Variants in ARHGAP28 observed in about 807,000 individuals in gnomAD.
The protein encoded by ARHGAP28 is Rho GTPase activating protein 28, also known as rho GTPase-activating protein 28.
A neutral mutation model predicts 90.7 loss-of-function variants in ARHGAP28; 56 were observed. The observed-to-expected ratio is 0.62, with a 90% CI of 0.50 to 0.77. The LOEUF (loss-of-function observed/expected upper bound fraction) is 0.77. Ranked by LOEUF, ARHGAP28 falls within the 30% of genes least tolerant of loss-of-function variation. The pLI is 0.00. For synonymous variants in ARHGAP28, 308 were observed against 323.3 expected (o/e 0.95, Z 0.51); for missense variants, 869 against 900.9 (o/e 0.96, Z 0.45).
intron 4 of ARHGAP28, among the ~76,000 whole-genome samples, chr18:6,854,040 A>T (rs1045289954): frequency 1.3e-5 from 2 of 151,980 alleles, no homozygotes; most frequent in African/African-American, 4.8e-5. Context: ...TGGGTTCACA[A>T]TGGCAACTAA....
At chr18:6,890,797 C>A (rs988227833) in intron 14 of ARHGAP28, among the ~76,000 whole-genome samples, 1 of 152,176 alleles carries the variant, frequency 6.6e-6, no homozygotes, top group Non-Finnish European at 1.5e-5. Flanking sequence ...GATATCCCAC[C>A]AGAAAGGCTA....
At chr18:6,825,552 CT>C (rs1360265662) in intron 2 of ARHGAP28, among the ~76,000 whole-genome samples, 1 of 151,882 alleles carries the variant, frequency 6.6e-6, no homozygotes, top group Non-Finnish European at 1.5e-5. Flanking sequence ...GTATATTGCC[CT>C]CAGGTAGTGA....
chr18:6,751,902 A>C (rs761969051), intron 1 of ARHGAP28, among the ~76,000 whole-genome samples: 29 of 152,198 alleles, frequency 1.9e-4, no homozygotes, highest in Non-Finnish European at 4.1e-4. Context: ...ACAAGAAGCC[A>C]ATTTTTCTAT....
At chr18:6,742,712 G>A (rs981147306) in intron 1 of ARHGAP28, among the ~76,000 whole-genome samples, 1 of 152,156 alleles carries the variant, frequency 6.6e-6, no homozygotes, top group African/African-American at 2.4e-5. Flanking sequence ...TTTGGGGGAT[G>A]GTTAAAACTG....
At chr18:6,801,469 T>C (rs2143627428) in intron 1 of ARHGAP28, among the ~76,000 whole-genome samples, 1 of 152,290 alleles carries the variant, frequency 6.6e-6, no homozygotes, top group Non-Finnish European at 1.5e-5. Flanking sequence ...TCACAGTAGT[T>C]TTGGCTATTT....
intron 1 of ARHGAP28, among the ~76,000 whole-genome samples, chr18:6,788,261 G>T (rs2056380480): frequency 2.0e-5 from 3 of 152,056 alleles, no homozygotes; most frequent in African/African-American, 7.2e-5. Flanking sequence ...TCCTGCTCCG[G>T]CCAGGTGACG....
At chr18:6,910,574 C>T (rs1415565544) in intron 17 of ARHGAP28, among the ~76,000 whole-genome samples, 1 of 152,200 alleles carries the variant, frequency 6.6e-6, no homozygotes, top group Non-Finnish European at 1.5e-5. Flanking sequence ...CAGGTCTTTG[C>T]GGATAAATCA....
At chr18:6,862,031 A>G (rs145070918) in intron 5 of ARHGAP28, among the ~76,000 whole-genome samples, 1 of 152,328 alleles carries the variant, frequency 6.6e-6, no homozygotes, top group African/African-American at 2.4e-5. Flanking sequence ...GGTCTAAAAA[A>G]TATCTCACTG....
At chr18:6,769,692 A>T (rs577434905) in intron 1 of ARHGAP28, among the ~76,000 whole-genome samples, 1 of 152,292 alleles carries the variant, frequency 6.6e-6, no homozygotes, top group Admixed American at 6.5e-5. Flanking sequence ...CGTGCTCTAC[A>T]TTCCTGCTAT....
At chr18:6,805,885 C>T (rs1260596030) in intron 1 of ARHGAP28, among the ~76,000 whole-genome samples, 4 of 150,822 alleles carry the variant, frequency 2.7e-5, no homozygotes, top group African/African-American at 9.8e-5. Flanking sequence ...TATATTTTTC[C>T]TTTTTTTAAA....
intron 1 of ARHGAP28, among the ~76,000 whole-genome samples, chr18:6,780,549 G>A (rs1193205397): frequency 6.6e-6 from 1 of 152,044 alleles, no homozygotes; most frequent in African/African-American, 2.4e-5. Flanking sequence ...CTCAGATGCT[G>A]AGGGATGCCT....
chr18:6,830,604 A>G (rs1396299042), intron 2 of ARHGAP28, among the ~76,000 whole-genome samples: 1 of 152,158 alleles, frequency 6.6e-6, no homozygotes, highest in East Asian at 1.9e-4. Context: ...GTTTGCTGAG[A>G]AAAATGGTTT....
chr18:6,894,023 C>T lies in ARHGAP28; in HGVS notation c.1849-812C>T, dbSNP rs142486236. On this transcript the variant is annotated intron_variant, in intron 14 of 17. Transcript: ENST00000383472. Reference sequence around the variant, plus strand: ...TTGGGACTACAGATACGTGCCACCACGCTCGGCTAATTTTTTTGTATTTTT... The same window carrying T: ...TTGGGACTACAGATACGTGCCACCATGCTCGGCTAATTTTTTTGTATTTTT... Among the ~76,000 whole-genome samples the T allele has an allele frequency of 5.1e-4, 78 of 151,962 alleles. 1 individual carries two copies. Among genetic ancestry groups the T allele is most frequent in the East Asian group, 4.5e-3 (23 of 5,154 alleles).
intron 16 of ARHGAP28, among the ~76,000 whole-genome samples, chr18:6,902,445 A>G (rs2057343231): frequency 6.6e-6 from 1 of 152,250 alleles, no homozygotes; most frequent in African/African-American, 2.4e-5. Flanking sequence ...CAGTTTTTTT[A>G]AAACCACCAC....
intron 1 of ARHGAP28, among the ~76,000 whole-genome samples, chr18:6,767,380 T>G (rs2056207891): frequency 6.6e-6 from 1 of 152,210 alleles, no homozygotes; most frequent in Non-Finnish European, 1.5e-5. Flanking sequence ...TAGTTTCTTT[T>G]ATATGTAGCC....
At chr18:6,843,417 A>G (rs537518286) in intron 3 of ARHGAP28, among the ~76,000 whole-genome samples, 174 of 152,278 alleles carry the variant, frequency 1.1e-3, no homozygotes, top group Admixed American at 2.0e-3. Context: ...TTGGTTCTGG[A>G]AATGGGCTTT....
At chr18:6,838,330 A>G (rs2056769836) in intron 3 of ARHGAP28, among the ~76,000 whole-genome samples, 1 of 152,252 alleles carries the variant, frequency 6.6e-6, no homozygotes, top group Non-Finnish European at 1.5e-5. Context: ...AATGGCATAC[A>G]TTAAAACTTC....
chr18:6,816,438 A>G (rs2056591095), intron 1 of ARHGAP28, among the ~76,000 whole-genome samples: 1 of 152,170 alleles, frequency 6.6e-6, no homozygotes, highest in Admixed American at 6.5e-5. Context: ...TCTATTCCAG[A>G]GAGTCAGTGG....
intron 17 of ARHGAP28, among the ~76,000 whole-genome samples, chr18:6,910,852 G>GTT (rs749697324): frequency 3.8e-5 from 5 of 129,904 alleles, no homozygotes; most frequent in African/African-American, 1.4e-4. Flanking sequence ...TGTTTGCTTT[G>GTT]TTTTTTTTTT....
Sources: allele counts gnomAD v4.1 joint callset (sites outside exome capture counted in the v4.1 genomes callset), GRCh38; gene constraint gnomAD v4.1.1; transcripts MANE v1.5; gene names NCBI Gene and HGNC (gene_info 2026-07-23, HGNC 2026-07-21).